Variants in GNA12 observed in about 807,000 individuals in gnomAD.
The protein encoded by GNA12 is G protein subunit alpha 12, also known as guanine nucleotide-binding protein subunit alpha-12.
GNA12 carries 9 observed loss-of-function variants against 26.0 expected under a neutral mutation model. The observed-to-expected ratio is 0.35, with a 90% CI of 0.21 to 0.60. The LOEUF (loss-of-function observed/expected upper bound fraction) is 0.60. Ranked by LOEUF, GNA12 falls within the 20% of genes least tolerant of loss-of-function variation. GNA12 has a pLI of 0.78. For missense variants in GNA12, 405 were observed against 525.8 expected (o/e 0.77, Z 2.25); for synonymous variants, 264 against 219.6 (o/e 1.20, Z -1.79).
chr7:2,831,123 A>C (rs1396451623), intron 1 of GNA12, among the ~76,000 whole-genome samples: 1 of 151,930 alleles, frequency 6.6e-6, no homozygotes, highest in Admixed American at 6.6e-5. Flanking sequence ...TTCATGAGGC[A>C]TCTGCTTTAA....
rs927681200 is a variant in GNA12, at chr7:2,750,066, A to G, written c.526-16565T>C. On this transcript the variant is annotated intron_variant, in intron 2 of 3. Transcript: ENST00000275364. ...AGAAGCTCCACAAATTCCAAATATG[A>G]TAAGTATGAAGAAACTCATAGCAAG... 3.3e-5 allele frequency among the ~76,000 whole-genome samples: 5 copies of G among 152,354 alleles called. No homozygotes were observed. The East Asian group carries it at 5.8e-4, about 18-fold the overall frequency.
chr7:2,772,965 T>A (rs1285406262), intron 2 of GNA12, among the ~76,000 whole-genome samples: 1 of 152,122 alleles, frequency 6.6e-6, no homozygotes, highest in Non-Finnish European at 1.5e-5. Flanking sequence ...AAGAAGAAAA[T>A]ACCAATCCAC....
In GNA12 at chr7:2,729,986, A is replaced by T. The variant is rs1789806342; in HGVS notation, c.*1195T>A. 6.6e-6 allele frequency: 1 copy of T among 152,344 alleles called. No homozygotes were observed. Among genetic ancestry groups the T allele is most frequent in the Non-Finnish European group, 1.5e-5 (1 of 68,088 alleles). 9.4% of individuals were successfully genotyped at this position (152,344 alleles called of 1,614,324 possible). On this transcript the variant is annotated 3_prime_UTR_variant, in exon 4 of 4. Coordinates refer to ENST00000275364, the MANE Select transcript of GNA12 (RefSeq NM_007353.3). ...CGAGAGTGTTTACTCTTCTGCAAGC[A>T]CAGTCATAGAAGCGAGGGGCCTCGA...
chr7:2,746,931 A>C (rs1440429920), intron 2 of GNA12, among the ~76,000 whole-genome samples: 2 of 152,238 alleles, frequency 1.3e-5, no homozygotes, highest in Non-Finnish European at 2.9e-5. Context: ...GAAATGGATA[A>C]ATTCCTCGAC....
At chr7:2,756,119 GA>G (rs1230988022) in intron 2 of GNA12, among the ~76,000 whole-genome samples, 1 of 152,138 alleles carries the variant, frequency 6.6e-6, no homozygotes, top group Non-Finnish European at 1.5e-5. Context: ...CAACCGAATA[GA>G]AATGAGAGTG....
Position 2,753,139 on chromosome 7 carries a change from C to T in GNA12, c.526-19638G>A, listed in dbSNP as rs117136568. 8.8e-4 allele frequency among the ~76,000 whole-genome samples: 134 copies of T among 151,518 alleles called. 2 individuals are homozygous for T. In the East Asian group the frequency reaches 0.022, roughly 25 times the overall value. On this transcript the variant is annotated intron_variant, in intron 2 of 3. Coordinates refer to ENST00000275364, the MANE Select transcript of GNA12 (RefSeq NM_007353.3). ...TTTCTAGAGTGTACTTAAAGTGAAA[C>T]CATACAGCATGCGGCTTTTTTTTTT...
At chr7:2,773,637 C>T (rs1196745335) in intron 2 of GNA12, among the ~76,000 whole-genome samples, 1 of 152,134 alleles carries the variant, frequency 6.6e-6, no homozygotes, top group Non-Finnish European at 1.5e-5. Flanking sequence ...AAAAAGAGGA[C>T]AAGCACTGGT....
intron 1 of GNA12, among the ~76,000 whole-genome samples, chr7:2,823,634 C>T (rs1006713420): frequency 6.6e-6 from 1 of 151,966 alleles, no homozygotes; most frequent in Admixed American, 6.5e-5. Flanking sequence ...AGCTGGAATA[C>T]AGGAAAAATA....
At chr7:2,802,345 T>A (rs1792830864) in intron 1 of GNA12, among the ~76,000 whole-genome samples, 1 of 133,488 alleles carries the variant, frequency 7.5e-6, no homozygotes, top group Non-Finnish European at 1.5e-5. Context: ...AACTTAAACT[T>A]CTAGTCAAAG....
At chr7:2,842,159 G>GA (rs1159294532) in intron 1 of GNA12, among the ~76,000 whole-genome samples, 22 of 109,970 alleles carry the variant, frequency 2.0e-4, no homozygotes, top group African/African-American at 6.8e-4. Context: ...GGAAAGGAAG[G>GA]AAGGAAAAAG....
intron 1 of GNA12, among the ~76,000 whole-genome samples, chr7:2,843,618 G>A (rs1007963111): frequency 6.6e-6 from 1 of 151,880 alleles, no homozygotes; most frequent in Admixed American, 6.6e-5. Context: ...CTGCACTCAA[G>A]CCTGGGAAAC....
intron 2 of GNA12, among the ~76,000 whole-genome samples, chr7:2,741,652 ATCT>A (rs1223750751): frequency 6.7e-6 from 1 of 149,136 alleles, no homozygotes; most frequent in African/African-American, 2.5e-5. Flanking sequence ...ACCTGTTCAC[ATCT>A]TCTCTCATTT....
chr7:2,809,351 G>C (rs1195713823), intron 1 of GNA12, among the ~76,000 whole-genome samples: 3 of 152,132 alleles, frequency 2.0e-5, no homozygotes, highest in Admixed American at 2.0e-4. Flanking sequence ...TCAAGTAACA[G>C]GTGTTTTATA....
intron 2 of GNA12, among the ~76,000 whole-genome samples, chr7:2,756,131 C>T (rs1281445484): frequency 6.6e-6 from 1 of 152,052 alleles, no homozygotes; most frequent in Non-Finnish European, 1.5e-5. Flanking sequence ...AATGAGAGTG[C>T]AGAAACAGGC....
rs1023056669 is a variant in GNA12 at position 2,729,405 on chromosome 7, C to T, written c.*1776G>A. 7.2e-5 allele frequency: 11 copies of T among 152,366 alleles called. No homozygotes were observed. The highest frequency in any genetic ancestry group is 6.5e-4 in the Admixed American group (10 of 15,270). 9.4% of individuals were successfully genotyped at this position (152,366 alleles called of 1,614,324 possible). ...CACATCCGTGAGGTCTGTGAAGAGCCACAGAAGCAGTACAAAAACAGCGAC... is the reference window on the plus strand; with the variant it reads ...CACATCCGTGAGGTCTGTGAAGAGCTACAGAAGCAGTACAAAAACAGCGAC... On this transcript the variant is annotated 3_prime_UTR_variant, in exon 4 of 4. Transcript: ENST00000275364.
At chr7:2,834,691 C>T (rs1008502198) in intron 1 of GNA12, among the ~76,000 whole-genome samples, 1 of 152,164 alleles carries the variant, frequency 6.6e-6, no homozygotes, top group African/African-American at 2.4e-5. Context: ...CGATGGTGGT[C>T]CCATAAGGTT....
intron 2 of GNA12, among the ~76,000 whole-genome samples, chr7:2,763,814 C>T (rs1791688018): frequency 6.6e-6 from 1 of 152,132 alleles, no homozygotes; most frequent in African/African-American, 2.4e-5. Flanking sequence ...CAGGCGAGGC[C>T]GGGACCTCTG....
rs1013104188 is a variant in GNA12 at position 2,791,810 on chromosome 7, A to G, written c.525+3118T>C. ...TGCTGTAATTGTGTATTTTGACAAC[A>G]ACGACTATTAGGGTCCTACTATCTA... On this transcript the variant is annotated intron_variant, in intron 2 of 3. Transcript: ENST00000275364. Among the ~76,000 whole-genome samples the G allele has an allele frequency of 3.3e-5, 5 of 152,330 alleles. No individual in the cohort carries two copies. In the South Asian group the frequency reaches 6.2e-4, roughly 19 times the overall value.
At chr7:2,786,604 G>C (rs1346896087) in intron 2 of GNA12, among the ~76,000 whole-genome samples, 1 of 152,210 alleles carries the variant, frequency 6.6e-6, no homozygotes, top group African/African-American at 2.4e-5. Context: ...GAAGTCTAAA[G>C]CCATATAGCT....
Sources: gnomAD v4.1 joint callset for allele counts (sites outside exome capture counted in the v4.1 genomes callset) on GRCh38, gnomAD v4.1.1 for gene constraint, MANE v1.5 for transcripts, NCBI Gene and HGNC (gene_info 2026-07-23, HGNC 2026-07-21) for gene names.